Variants in BRME1 observed in about 807,000 individuals in gnomAD.
BRME1 encodes BRCA2 and MEILB2-associating protein 1.
BRME1 carries 31 observed loss-of-function variants against 52.6 expected under a neutral mutation model. The ratio of observed to expected loss-of-function variants is 0.59; its 90% CI spans 0.44 to 0.80. BRME1 has a LOEUF of 0.80. Among genes scored for constraint, BRME1 ranks in the 30% least tolerant of loss-of-function variants. The probability of loss-of-function intolerance (pLI) is 0.00; values close to 1 mark genes in which losing one functional copy is unlikely to be tolerated. For synonymous variants in BRME1, 359 were observed against 353.6 expected (o/e 1.02, Z -0.17); for missense variants, 804 against 860.3 (o/e 0.93, Z 0.82).
In BRME1 at chr19:13,895,270, A is replaced by G. The variant is rs969640644; in HGVS notation, c.206+102T>C. ...GGGAGGGAGTGGGTCACAGCACTAGATAGGTTGTGGGTCTCTTTCCCAAAG... is the reference window on the plus strand; with the variant it reads ...GGGAGGGAGTGGGTCACAGCACTAGGTAGGTTGTGGGTCTCTTTCCCAAAG... On this transcript the variant is annotated intron_variant, in intron 3 of 8. Transcript: ENST00000586783. The G allele has an allele frequency of 4.7e-6, 6 of 1,277,802 alleles. No homozygotes were observed. The East Asian group carries it at 1.2e-4, about 25-fold the overall frequency. 79.2% of individuals were successfully genotyped at this position (1,277,802 alleles called of 1,614,324 possible).
chr19:13,892,733 G>T (rs1969592366), intron 5 of BRME1, 53 bp downstream of exon 5: 1 of 1,478,600 alleles, frequency 6.8e-7, no homozygotes, highest in East Asian at 2.3e-5. Flanking sequence ...CCGAGGCTGG[G>T]CCAGGAGGCT....
rs766819987 is a variant in BRME1, at chr19:13,882,872, G to C, written c.1937C>G (p.Ala646Gly). The C allele has an allele frequency of 2.0e-5, 33 of 1,614,036 alleles. No individual in the cohort carries two copies. Among genetic ancestry groups the C allele is most frequent in the South Asian group, 1.1e-4 (10 of 91,082 alleles). ...NYRKTKLGGK[A>G]PLPYPSKGPG... Reference sequence around the variant, plus strand: ...CCCCTTGGAAGGGTAAGGCAGGGGGGCTTTGCCTCCCAGCTTTGTCTTCCG... The same window carrying C: ...CCCCTTGGAAGGGTAAGGCAGGGGGCCTTTGCCTCCCAGCTTTGTCTTCCG... Residue 646 changes from alanine (A) to glycine (G), a missense_variant, in exon 9 of 9, where the codon GCC (alanine) becomes GGC (glycine). Transcript: ENST00000586783.
At chr19:13,892,637 C>G (rs888257777) in intron 5 of BRME1, 149 bp downstream of exon 5, 1 of 621,054 alleles carries the variant, frequency 1.6e-6, no homozygotes, top group Non-Finnish European at 2.9e-6. Flanking sequence ...AGTCAACACA[C>G]ATCCATAGCG....
intron 6 of BRME1, among the ~76,000 whole-genome samples, chr19:13,886,796 CAAAAAAA>C (rs61412091): frequency 2.3e-5 from 2 of 85,164 alleles, no homozygotes; most frequent in Admixed American, 1.4e-4. Context: ...CCTGTCTGTA[CAAAAAAA>C]AAAAAAAAAA....
At chr19:13,886,088 G>C in intron 6 of BRME1, 33 bp from the exon 7 acceptor site, 1 of 1,595,184 alleles carries the variant, frequency 6.3e-7, no homozygotes, top group African/African-American at 1.3e-5. Context: ...GAGTGGTCGA[G>C]GCCTGGGTCG....
chr19:13,885,456 G>A lies in BRME1; in HGVS notation c.1763+505C>T, dbSNP rs1023580080. The A allele has an allele frequency of 7.1e-5, 11 of 154,246 alleles. No homozygotes were observed. The South Asian group carries it at 9.9e-4, about 14-fold the overall frequency. The allele number at this position is 154,246 out of a possible 1,614,324, so 9.6% of individuals were successfully genotyped here. The stretch of plus-strand genomic sequence containing the variant: ...CCTCACACACAGCAGGCTGGAGGAC[G>A]GCTCACTGGTGGCCTGTGGGAGGGA... On this transcript the variant is annotated intron_variant, in intron 7 of 8. Coordinates refer to ENST00000586783, the MANE Select transcript of BRME1 (RefSeq NM_001345843.2).
Position 13,892,853 on chromosome 19 carries a change from G to C in BRME1, c.326C>G (p.Ser109Cys). 6.2e-7 allele frequency: 1 copy of C among 1,614,170 alleles called. No homozygotes were observed. Among genetic ancestry groups the C allele is most frequent in the East Asian group, 2.2e-5 (1 of 44,890 alleles). ...TTCTTTTCTTGTCACTGTCTTCCTG[G>C]ATTTTGCAAACTGGGGAACAAACCT... Reference protein sequence around the residue: ...FGRFVPQFAKSRKTVTRKEEM... With the variant: ...FGRFVPQFAKCRKTVTRKEEM... The change falls in exon 5 of 9, where the codon TCC becomes TGC. Residue 109 changes from serine to cysteine, a missense_variant. Transcript: ENST00000586783.
At chr19:13,897,581 G>A (rs1237195797) in intron 2 of BRME1, among the ~76,000 whole-genome samples, 1 of 151,874 alleles carries the variant, frequency 6.6e-6, no homozygotes, top group African/African-American at 2.4e-5. Flanking sequence ...ATTGGCCTTT[G>A]CCACCAGCAA....
chr19:13,890,885 GC>G (rs1436113368), intron 5 of BRME1, among the ~76,000 whole-genome samples: 2 of 151,928 alleles, frequency 1.3e-5, no homozygotes, highest in East Asian at 3.9e-4. Flanking sequence ...AAAATTAGTG[GC>G]AAAAACTGCA....
intron 2 of BRME1, among the ~76,000 whole-genome samples, chr19:13,903,730 C>T (rs1230989262): frequency 1.3e-5 from 2 of 151,256 alleles, no homozygotes; most frequent in Admixed American, 6.6e-5. Flanking sequence ...AGGTCAAAAT[C>T]CCTTCCTCTC....
chr19:13,886,580 C>A (rs7248982), intron 6 of BRME1, among the ~76,000 whole-genome samples: 51,860 of 152,032 alleles, frequency 0.34, 11,991 homozygotes, highest in African/African-American at 0.66. Flanking sequence ...GGTAACTCCA[C>A]GGCGCTTAAG....
intron 2 of BRME1, among the ~76,000 whole-genome samples, chr19:13,895,816 T>C (rs767866548): frequency 5.9e-5 from 9 of 152,160 alleles, no homozygotes; most frequent in Non-Finnish European, 1.0e-4. Flanking sequence ...ATCTGCAAAA[T>C]AGCCATCCTG....
At chr19:13,895,879 C>T (rs1162016072) in intron 2 of BRME1, among the ~76,000 whole-genome samples, 3 of 152,230 alleles carry the variant, frequency 2.0e-5, no homozygotes, top group Non-Finnish European at 2.9e-5. Flanking sequence ...GCTTTGGCCA[C>T]GTCCTGGCCC....
Position 13,888,276 on chromosome 19 carries a change from A to G in BRME1, c.1668+912T>C, listed in dbSNP as rs1969182790. Reference sequence around the variant, plus strand: ...AAGAAACAGAGGCTGACATTTGAAAAGCAAATTGGACTCTGCGTTCCAGGA... The same window carrying G: ...AAGAAACAGAGGCTGACATTTGAAAGGCAAATTGGACTCTGCGTTCCAGGA... On this transcript the variant is annotated intron_variant, in intron 6 of 8. Coordinates refer to ENST00000586783, the MANE Select transcript of BRME1 (RefSeq NM_001345843.2). This position sits in a 1 kb window ranked among gnomAD's most constrained non-coding sequence, Gnocchi z 4.1. The G allele has an allele frequency of 6.6e-6, 1 of 152,022 alleles. No homozygotes were observed. Among genetic ancestry groups the G allele is most frequent in the Non-Finnish European group, 1.5e-5 (1 of 68,038 alleles). The allele number at this position is 152,022 out of a possible 1,614,324, so 9.4% of individuals were successfully genotyped here. A position where few individuals can be genotyped will look rare whatever the true frequency, so the allele number is the denominator to read the frequency against.
intron 3 of BRME1, among the ~76,000 whole-genome samples, chr19:13,894,418 A>G (rs1969734820): frequency 1.3e-5 from 2 of 152,058 alleles, no homozygotes; most frequent in Non-Finnish European, 2.9e-5. Flanking sequence ...CCAGCTACTC[A>G]GGAGGCTGAG....
In BRME1 at chr19:13,895,417, G is replaced by A. The variant is rs748175445; in HGVS notation, c.161C>T (p.Pro54Leu). The A allele has an allele frequency of 4.3e-6, 7 of 1,614,044 alleles. No individual in the cohort carries two copies. The South Asian group carries it at 6.6e-5, about 15-fold the overall frequency. Residue 54 changes from proline to leucine, a missense_variant, in exon 3 of 9, where the codon CCC becomes CTC. By Grantham distance (98) the Pro-to-Leu change is moderately conservative. Coordinates refer to ENST00000586783, the MANE Select transcript of BRME1 (RefSeq NM_001345843.2). The stretch of plus-strand genomic sequence containing the variant: ...TTCCTCCCCGTGCTGCTGTGTAGAG[G>A]GAACAGGTCCCAATTTGCCCTCTGG... ...EEPEGKLGPVPSTQQHGEEPG... is the reference protein window; with the variant it reads ...EEPEGKLGPVLSTQQHGEEPG...
chr19:13,894,958 G>A (rs1030399827), intron 3 of BRME1, among the ~76,000 whole-genome samples: 2 of 152,020 alleles, frequency 1.3e-5, no homozygotes, highest in Admixed American at 6.6e-5. Context: ...TCAGCTTACT[G>A]CAACCTCTGC....
At chr19:13,896,773 C>T (rs112582812) in intron 2 of BRME1, among the ~76,000 whole-genome samples, 34 of 151,712 alleles carry the variant, frequency 2.2e-4, no homozygotes, top group African/African-American at 7.7e-4. Flanking sequence ...TCACTGCAGT[C>T]TTGACCTCAT....
chr19:13,897,427 T>C (rs1193300347), intron 2 of BRME1, among the ~76,000 whole-genome samples: 1 of 152,160 alleles, frequency 6.6e-6, no homozygotes, highest in Non-Finnish European at 1.5e-5. Context: ...ATGATAAGGG[T>C]TGACTCTAGT....
Sources: allele counts gnomAD v4.1 joint callset (sites outside exome capture counted in the v4.1 genomes callset), GRCh38; gene constraint gnomAD v4.1.1; non-coding constraint Gnocchi (gnomAD v3.1); transcripts MANE v1.5; gene names NCBI Gene and HGNC (gene_info 2026-07-23, HGNC 2026-07-21).